ZSWIM6: variants seen among roughly 807,000 people sequenced by gnomAD.
The protein encoded by ZSWIM6 is zinc finger SWIM domain-containing protein 6.
Under a neutral mutation model 113.2 loss-of-function variants are expected in ZSWIM6, and 9 were observed. The ratio of observed to expected loss-of-function variants is 0.08; its 90% CI spans 0.05 to 0.14. The LOEUF (loss-of-function observed/expected upper bound fraction) is 0.14, where lower values mean the gene tolerates loss of function less well. Among genes scored for constraint, ZSWIM6 ranks in the 10% least tolerant of loss-of-function variants. The probability of loss-of-function intolerance (pLI) is 1.00; values close to 1 mark genes in which losing one functional copy is unlikely to be tolerated. For missense variants in ZSWIM6, 1,162 were observed against 1,552.2 expected (o/e 0.75, Z 4.22); for synonymous variants, 611 against 606.5 (o/e 1.01, Z -0.11).
At chr5:61,533,196 C>G (rs1159727747) in intron 9 of ZSWIM6, among the ~76,000 whole-genome samples, 2 of 152,198 alleles carry the variant, frequency 1.3e-5, no homozygotes. Flanking sequence ...CCTGCAAGGC[C>G]CACAAAGAGT....
intron 1 of ZSWIM6, among the ~76,000 whole-genome samples, chr5:61,435,985 T>C (rs540840514): frequency 1.3e-5 from 2 of 152,294 alleles, no homozygotes; most frequent in East Asian, 3.9e-4. Flanking sequence ...GCGGATCACC[T>C]GAAGTCGGGA....
At chr5:61,380,501 G>A (rs1229402856) in intron 1 of ZSWIM6, among the ~76,000 whole-genome samples, 2 of 152,188 alleles carry the variant, frequency 1.3e-5, no homozygotes, top group Admixed American at 1.3e-4. Flanking sequence ...TCCACTCATA[G>A]TTTTTAGGAC....
intron 7 of ZSWIM6, among the ~76,000 whole-genome samples, chr5:61,527,539 G>A (rs912924909): frequency 1.3e-5 from 2 of 152,160 alleles, no homozygotes; most frequent in Non-Finnish European, 2.9e-5. Context: ...TGAGAGCCCC[G>A]ATTGTCGTGA....
chr5:61,454,748 A>AT (rs1394987278), intron 1 of ZSWIM6, among the ~76,000 whole-genome samples: 11 of 151,456 alleles, frequency 7.3e-5, no homozygotes, highest in African/African-American at 2.7e-4. Flanking sequence ...CACCTGGCTA[A>AT]TTTTTTTGTA....
chr5:61,511,524 C>T (rs1748787376), intron 4 of ZSWIM6, among the ~76,000 whole-genome samples: 1 of 152,010 alleles, frequency 6.6e-6, no homozygotes, highest in Admixed American at 6.6e-5. Flanking sequence ...AGTTGGGGCC[C>T]TTGGGAGGTG....
chr5:61,412,133 G>A (rs1272502999), intron 1 of ZSWIM6, among the ~76,000 whole-genome samples: 3 of 152,164 alleles, frequency 2.0e-5, no homozygotes, highest in Non-Finnish European at 2.9e-5. Flanking sequence ...GACAAAGCAC[G>A]TGATACCTTA....
intron 1 of ZSWIM6, among the ~76,000 whole-genome samples, chr5:61,448,164 A>G (rs758084255): frequency 1.3e-5 from 2 of 152,246 alleles, no homozygotes; most frequent in Non-Finnish European, 2.9e-5. Context: ...AAAAGAAACC[A>G]TAAACATCAG....
At position 61,539,745 on chromosome 5, in the gene ZSWIM6, G is replaced by A; in HGVS notation, c.2689G>A (p.Glu897Lys). ...PDITLLKVSL[E>K]LGLQVMRMTL... ...CATCACTCTTTTGAAAGTGTCTCTGGAGCTGGGCCTGCAGGTACATGACTG... is the reference window on the plus strand; with the variant it reads ...CATCACTCTTTTGAAAGTGTCTCTGAAGCTGGGCCTGCAGGTACATGACTG... Residue 897 changes from glutamate to lysine, a missense_variant, in exon 12 of 14, where the codon GAG becomes AAG. Glu to Lys is a moderately conservative substitution (Grantham distance 56). Around this residue, in one of 4 missense-constraint regions of ZSWIM6, gnomAD observed 620 missense variants for 804.6 expected, o/e 0.77. Coordinates refer to ENST00000252744, the MANE Select transcript of ZSWIM6 (RefSeq NM_020928.2). The A allele has an allele frequency of 6.4e-7, 1 of 1,551,206 alleles. No homozygotes were observed. The highest frequency in any genetic ancestry group is 8.7e-7 in the Non-Finnish European group (1 of 1,146,720).
intron 1 of ZSWIM6, among the ~76,000 whole-genome samples, chr5:61,350,103 G>T (rs965881842): frequency 2.6e-5 from 4 of 152,186 alleles, no homozygotes; most frequent in African/African-American, 7.2e-5. Flanking sequence ...TTTAACAATA[G>T]GGCTGTACTC....
At chr5:61,497,061 T>C (rs1373000123) in intron 4 of ZSWIM6, among the ~76,000 whole-genome samples, 1 of 149,514 alleles carries the variant, frequency 6.7e-6, no homozygotes, top group Admixed American at 6.7e-5. Flanking sequence ...TCCTTAGCAC[T>C]GGTGGATTCG....
At chr5:61,504,499 A>T (rs1374890439) in intron 4 of ZSWIM6, among the ~76,000 whole-genome samples, 2 of 152,154 alleles carry the variant, frequency 1.3e-5, no homozygotes, top group Non-Finnish European at 2.9e-5. Flanking sequence ...GAAACCCAAC[A>T]CCCATCATAA....
rs1167943046 is a variant in ZSWIM6 at position 61,525,984 on chromosome 5, A to G, written c.1690+8A>G. ...GGTGGCCCCTCTGGCATGGTAAGTGACCAAACCGGAAAGACATTTCCATGA... is the reference window on the plus strand; with the variant it reads ...GGTGGCCCCTCTGGCATGGTAAGTGGCCAAACCGGAAAGACATTTCCATGA... On this transcript the variant is annotated splice_region_variant and intron_variant, in intron 6 of 13. Coordinates refer to ENST00000252744, the MANE Select transcript of ZSWIM6 (RefSeq NM_020928.2). 1.3e-6 allele frequency: 2 copies of G among 1,551,880 alleles called. No individual in the cohort carries two copies. Among genetic ancestry groups the G allele is most frequent in the South Asian group, 2.4e-5 (2 of 84,026 alleles).
At position 61,490,296 on chromosome 5, in the gene ZSWIM6, T is replaced by G. The variant is rs1352527816; in HGVS notation, c.1034-490T>G. 4.6e-5 allele frequency among the ~76,000 whole-genome samples: 7 copies of G among 152,182 alleles called. 1 individual carries two copies. The East Asian group carries it at 1.4e-3, about 29-fold the overall frequency. The stretch of plus-strand genomic sequence containing the variant: ...CTTGATTTCCCTTTTTAATCTTCGG[T>G]TTTCTGCAACTAAAGACTTATGTCA... On this transcript the variant is annotated intron_variant, in intron 2 of 13. Transcript: ENST00000252744.
chr5:61,519,578 A>G (rs1199016041), intron 4 of ZSWIM6, among the ~76,000 whole-genome samples: 1 of 151,834 alleles, frequency 6.6e-6, no homozygotes, highest in African/African-American at 2.4e-5. Flanking sequence ...TGTTGTTATC[A>G]TTGGGAGGGA....
intron 4 of ZSWIM6, among the ~76,000 whole-genome samples, chr5:61,497,505 C>T (rs1748355213): frequency 6.6e-6 from 1 of 152,106 alleles, no homozygotes; most frequent in South Asian, 2.1e-4. Context: ...CTATGACATT[C>T]ATTTGGTATG....
At chr5:61,335,631 A>G (rs1305461252) in intron 1 of ZSWIM6, among the ~76,000 whole-genome samples, 1 of 152,286 alleles carries the variant, frequency 6.6e-6, no homozygotes, top group Non-Finnish European at 1.5e-5. Context: ...TGATAGCACC[A>G]TAAAGCAGTT....
chr5:61,543,704 C>T lies in ZSWIM6; in HGVS notation c.3035C>T (p.Thr1012Met), dbSNP rs138406248. 5.9e-5 allele frequency: 91 copies of T among 1,551,552 alleles called. No homozygotes were observed. The highest frequency in any genetic ancestry group is 7.3e-5 in the East Asian group (3 of 40,920). Reference protein sequence around the residue: ...LCEKDHIAFETAYQIVLDAAT... With the variant: ...LCEKDHIAFEMAYQIVLDAAT... ...GAAAAGGATCACATAGCTTTTGAGA[C>T]GGCGTACCAAATTGTTCTCGACGCT... is the stretch of plus-strand genomic sequence containing the variant. Residue 1012 changes from threonine to methionine, a missense_variant, in exon 14 of 14, where the codon ACG becomes ATG. Physicochemically the swap from Thr to Met is moderately conservative, Grantham distance 81 (BLOSUM62 -1). Transcript: ENST00000252744. This position sits in a 1 kb window ranked among gnomAD's most constrained non-coding sequence, Gnocchi z 4.3.
At chr5:61,533,317 A>G (rs1749491677) in intron 9 of ZSWIM6, among the ~76,000 whole-genome samples, 3 of 152,256 alleles carry the variant, frequency 2.0e-5, no homozygotes, top group African/African-American at 7.2e-5. Context: ...CAGGGCACCA[A>G]GTTCTTCGTG....
chr5:61,419,712 T>G (rs1579987162), intron 1 of ZSWIM6, among the ~76,000 whole-genome samples: 1 of 152,358 alleles, frequency 6.6e-6, no homozygotes, highest in South Asian at 2.1e-4. Flanking sequence ...TATCATGCCT[T>G]GTCCACACAA....
Sources: allele counts gnomAD v4.1 joint callset (sites outside exome capture counted in the v4.1 genomes callset), GRCh38; gene constraint gnomAD v4.1.1; regional missense constraint gnomAD v4.1.1; non-coding constraint Gnocchi (gnomAD v3.1); transcripts MANE v1.5; gene names NCBI Gene and HGNC (gene_info 2026-07-23, HGNC 2026-07-21).